ABCA1: variants seen among roughly 807,000 people sequenced by gnomAD.
ABCA1 encodes ATP binding cassette subfamily A member 1, also known as phospholipid-transporting ATPase ABCA1.
In ABCA1, 133 loss-of-function variants were observed where a neutral mutation model predicts 262.5. The ratio of observed to expected loss-of-function variants is 0.51; its 90% CI spans 0.44 to 0.59. The LOEUF (loss-of-function observed/expected upper bound fraction) is 0.59, where lower values mean the gene tolerates loss of function less well. Ranked by LOEUF, ABCA1 falls within the 20% of genes least tolerant of loss-of-function variation. ABCA1 has a pLI of 0.00. For missense variants in ABCA1, 2,452 were observed against 2,777.5 expected (o/e 0.88, Z 2.63); for synonymous variants, 1,022 against 1,043.5 (o/e 0.98, Z 0.40).
intron 2 of ABCA1, among the ~76,000 whole-genome samples, chr9:104,893,097 T>C (rs954048761): frequency 1.3e-5 from 2 of 152,194 alleles, no homozygotes; most frequent in African/African-American, 4.8e-5. Flanking sequence ...ACAACTTTCC[T>C]TTTAAATGGC....
chr9:104,815,772 T>C (rs1831696216), intron 25 of ABCA1, among the ~76,000 whole-genome samples: 1 of 152,176 alleles, frequency 6.6e-6, no homozygotes, highest in African/African-American at 2.4e-5. Context: ...TGGGCCCAAG[T>C]TGCTGAATTT....
At chr9:104,816,716 T>C (rs950890134) in intron 24 of ABCA1, among the ~76,000 whole-genome samples, 3 of 152,100 alleles carry the variant, frequency 2.0e-5, no homozygotes, top group Non-Finnish European at 4.4e-5. Flanking sequence ...AGCTCTGGGA[T>C]TCTTCAAAAG....
intron 15 of ABCA1, 78 bp from the exon 16 acceptor site, chr9:104,827,247 C>T: frequency 2.2e-5 from 27 of 1,246,410 alleles, no homozygotes; most frequent in Non-Finnish European, 3.1e-5. Flanking sequence ...AGAAAAAAGA[C>T]AGGGTTTATT....
intron 11 of ABCA1, among the ~76,000 whole-genome samples, chr9:104,835,669 T>TCC (rs1409316012): frequency 6.6e-6 from 1 of 152,046 alleles, no homozygotes; most frequent in Non-Finnish European, 1.5e-5. Context: ...CACAAGTCCC[T>TCC]CCAAGGCATG....
chr9:104,914,160 T>C (rs1040591289), intron 1 of ABCA1, among the ~76,000 whole-genome samples: 1 of 151,882 alleles, frequency 6.6e-6, no homozygotes, highest in Non-Finnish European at 1.5e-5. Flanking sequence ...CCAGCCTCTA[T>C]GTCCATTAGA....
In ABCA1 at chr9:104,781,677, G is replaced by A. The variant is rs191288166; in HGVS notation, c.*2638C>T. 10 of 152,718 alleles carry A rather than the reference G, an allele frequency of 6.5e-5. No individual in the cohort carries two copies. The East Asian group carries it at 1.4e-3, about 21-fold the overall frequency. 9.5% of individuals were successfully genotyped at this position (152,718 alleles called of 1,614,324 possible). ...ACAATGAATTGTGCTGGGCATTTAT[G>A]TATAGAGGGCTTATTATTTTCTTCT... is the stretch of plus-strand genomic sequence containing the variant. On this transcript the variant is annotated 3_prime_UTR_variant, in exon 50 of 50. Coordinates refer to ENST00000374736, the MANE Select transcript of ABCA1 (RefSeq NM_005502.4).
chr9:104,863,770 G>C (rs1463371592), intron 5 of ABCA1, among the ~76,000 whole-genome samples: 5 of 152,200 alleles, frequency 3.3e-5, no homozygotes. Context: ...CCCAGTTAGT[G>C]TCCCTCAGAA....
At chr9:104,875,904 T>C (rs563822998) in intron 5 of ABCA1, among the ~76,000 whole-genome samples, 49 of 152,266 alleles carry the variant, frequency 3.2e-4, no homozygotes, top group African/African-American at 9.6e-4. Flanking sequence ...GTGAAAGCCA[T>C]CCCTACCCGT....
intron 34 of ABCA1, 143 bp downstream of exon 34, chr9:104,801,911 T>G: frequency 1.3e-6 from 1 of 798,346 alleles, no homozygotes. Flanking sequence ...CTGGCTCAAA[T>G]CGCTAAATGC....
At chr9:104,804,598 G>C in intron 32 of ABCA1, 28 bp downstream of exon 32, 1 of 1,573,748 alleles carries the variant, frequency 6.4e-7, no homozygotes, top group Non-Finnish European at 8.7e-7. Context: ...TAATAATACG[G>C]CAGGGGCCAA....
Position 104,845,467 on chromosome 9 carries a change from C to G in ABCA1, c.813+10G>C, listed in dbSNP as rs773338037. The G allele has an allele frequency of 6.2e-7, 1 of 1,607,544 alleles. No individual in the cohort carries two copies. The highest frequency in any genetic ancestry group is 1.7e-5 in the Admixed American group (1 of 59,986). ...GATCCGCTTCCTGGTACTGGAAAGA[C>G]ACAACTTACCTCCTGGGCCAGAGTC... is the stretch of plus-strand genomic sequence containing the variant. On this transcript the variant is annotated intron_variant, in intron 8 of 49. Coordinates refer to ENST00000374736, the MANE Select transcript of ABCA1 (RefSeq NM_005502.4).
intron 5 of ABCA1, among the ~76,000 whole-genome samples, chr9:104,881,796 C>T (rs139289362): frequency 1.5e-4 from 23 of 152,134 alleles, no homozygotes; most frequent in Admixed American, 3.9e-4. Context: ...CCAGAAGAAA[C>T]ATCCATGTGC....
chr9:104,838,332 G>C (rs920492011), intron 9 of ABCA1, among the ~76,000 whole-genome samples: 3 of 149,106 alleles, frequency 2.0e-5, no homozygotes, highest in African/African-American at 7.4e-5. Flanking sequence ...ATTCTCAACA[G>C]GGCGCAGTGG....
At position 104,805,683 on chromosome 9, in the gene ABCA1, T is replaced by C. The variant is rs115169883; in HGVS notation, c.4464+558A>G. Among the ~76,000 whole-genome samples, 1,489 of 152,270 alleles carry C rather than the reference T, an allele frequency of 9.8e-3. 25 individuals carry two copies. Among genetic ancestry groups the C allele is most frequent in the African/African-American group, 0.034 (1,412 of 41,550 alleles). On this transcript the variant is annotated intron_variant, in intron 31 of 49. Coordinates refer to ENST00000374736, the MANE Select transcript of ABCA1 (RefSeq NM_005502.4). The stretch of plus-strand genomic sequence containing the variant: ...CAGCTCATTTGTTGCAGAGCCAAGA[T>C]TGGAAGCCAGGCCTGCCACAGTCTG...
At chr9:104,925,868 A>G (rs1229190566) in intron 1 of ABCA1, among the ~76,000 whole-genome samples, 1 of 152,168 alleles carries the variant, frequency 6.6e-6, no homozygotes, top group Non-Finnish European at 1.5e-5. Context: ...ACAGAAACGG[A>G]AAGTTTCTCA....
chr9:104,884,616 C>A (rs1274136255), intron 3 of ABCA1, 48 bp from the exon 4 acceptor site: 1 of 1,610,930 alleles, frequency 6.2e-7, no homozygotes, highest in African/African-American at 1.3e-5. Context: ...CATTAATTCC[C>A]TGAAGCGATT....
At chr9:104,849,482 T>C (rs1259193412) in intron 7 of ABCA1, among the ~76,000 whole-genome samples, 1 of 152,234 alleles carries the variant, frequency 6.6e-6, no homozygotes. Flanking sequence ...GTTAGAATCA[T>C]TTTTAAACTA....
chr9:104,850,692 T>C (rs1835304249), intron 7 of ABCA1, among the ~76,000 whole-genome samples: 2 of 152,214 alleles, frequency 1.3e-5, no homozygotes, highest in African/African-American at 4.8e-5. Context: ...CTATTAACTG[T>C]GCTCTCCTGC....
At position 104,862,631 on chromosome 9, in the gene ABCA1, T is replaced by G. The variant is rs370790211; in HGVS notation, c.422-831A>C. Reference sequence around the variant, plus strand: ...CTGGAGAGCTTGTTAAAATGCAGACTGCCGGGCCGGGCCGGGCCGGGCCGG... The same window carrying G: ...CTGGAGAGCTTGTTAAAATGCAGACGGCCGGGCCGGGCCGGGCCGGGCCGG... On this transcript the variant is annotated intron_variant, in intron 5 of 49. Coordinates refer to ENST00000374736, the MANE Select transcript of ABCA1 (RefSeq NM_005502.4). 3.1e-3 allele frequency among the ~76,000 whole-genome samples: 70 copies of G among 22,944 alleles called. 4 individuals are homozygous for G. Among genetic ancestry groups the G allele is most frequent in the African/African-American group, 0.01 (44 of 4,300 alleles). The allele number at this position is 22,944 out of a possible 152,430, so 15.1% of individuals were successfully genotyped here. A position where few individuals can be genotyped will look rare whatever the true frequency, so the allele number is the denominator to read the frequency against.
Sources: gnomAD v4.1 joint callset for allele counts (sites outside exome capture counted in the v4.1 genomes callset) on GRCh38, gnomAD v4.1.1 for gene constraint, MANE v1.5 for transcripts, NCBI Gene and HGNC (gene_info 2026-07-23, HGNC 2026-07-21) for gene names.